The following AGR3 variants were observed in gnomAD, a reference collection of about 807,000 sequenced individuals.
The protein encoded by AGR3 is anterior gradient protein 3.
A neutral mutation model predicts 24.5 loss-of-function variants in AGR3; 37 were observed. That is an observed-to-expected ratio of 1.51 (90% confidence interval 1.16 to 1.99). The LOEUF is 1.99. Among genes scored for constraint, AGR3 ranks in the 30% most tolerant of loss-of-function variants. AGR3 has a pLI of 0.00. For missense variants in AGR3, 228 were observed against 191.1 expected (o/e 1.19, Z -1.14); for synonymous variants, 75 against 61.6 (o/e 1.22, Z -1.02).
chr7:16,857,548 C>T (rs1480846343), downstream of AGR3, among the ~76,000 whole-genome samples: 1 of 152,112 alleles, frequency 6.6e-6, no homozygotes, highest in Admixed American at 6.5e-5. Context: ...TTTCTTTAGT[C>T]TTCATATGTT....
chr7:16,867,995 G>A (rs1026863317), intron 3 of AGR3, among the ~76,000 whole-genome samples: 2 of 152,042 alleles, frequency 1.3e-5, no homozygotes, highest in African/African-American at 4.8e-5. Flanking sequence ...GTGTAAAAGG[G>A]TTCTCTTTTC....
chr7:16,864,677 C>T lies in AGR3; in HGVS notation c.174-2015G>A, dbSNP rs1260516972. ...GGTAGGCAGAAGTCAGGAAAAAGTG[C>T]TTTTGCTGCCAGGCAATTTTCCCCA... On this transcript the variant is annotated intron_variant, in intron 3 of 7. Transcript: ENST00000310398. The T allele has an allele frequency of 4.4e-6, 7 of 1,584,900 alleles. No individual in the cohort carries two copies. The Admixed American group carries it at 1.2e-4, about 26-fold the overall frequency.
At chr7:16,871,874 C>G (rs1256352440) in intron 3 of AGR3, among the ~76,000 whole-genome samples, 1 of 151,930 alleles carries the variant, frequency 6.6e-6, no homozygotes, top group Non-Finnish European at 1.5e-5. Flanking sequence ...ACCACACACA[C>G]ACACCTAGGA....
At chr7:16,874,551 T>A (rs1430270597) in intron 2 of AGR3, among the ~76,000 whole-genome samples, 1 of 152,074 alleles carries the variant, frequency 6.6e-6, no homozygotes, top group African/African-American at 2.4e-5. Flanking sequence ...CCAAAAACAT[T>A]ACTGAGTATT....
chr7:16,865,153 C>T (rs1781730509), intron 3 of AGR3: 1 of 739,122 alleles, frequency 1.4e-6, no homozygotes. Flanking sequence ...CCACCAGTAG[C>T]TTGGACCTCT....
At chr7:16,865,434 G>A in intron 3 of AGR3, 1 of 851,532 alleles carries the variant, frequency 1.2e-6, no homozygotes, top group Middle Eastern at 3.4e-4. Flanking sequence ...CGTAATTGTT[G>A]GTGCCACAGG....
intron 1 of AGR3, among the ~76,000 whole-genome samples, chr7:16,880,072 CCCTTCCTTCTTTCCCCTT>C (rs1412383915): frequency 1.1e-3 from 157 of 141,288 alleles, no homozygotes; most frequent in African/African-American, 4.1e-3. Context: ...TCCTTCCTTC[CCCTTCCTTCTTTCCCCTT>C]CCTTCCTTCC....
intron 3 of AGR3, chr7:16,866,150 A>G: frequency 1.8e-6 from 1 of 540,934 alleles, no homozygotes. Context: ...CTAATGTAGA[A>G]GGCTCATTTT....
At chr7:16,864,497 C>T in intron 3 of AGR3, 1 of 1,258,420 alleles carries the variant, frequency 7.9e-7, no homozygotes, top group Non-Finnish European at 1.2e-6. Flanking sequence ...ATTCCATGTT[C>T]CCTGTCAGTC....
At chr7:16,880,105 TTCTTTCC>T (rs1402857135) in intron 1 of AGR3, among the ~76,000 whole-genome samples, 18 of 135,548 alleles carry the variant, frequency 1.3e-4, no homozygotes, top group African/African-American at 3.3e-4. Flanking sequence ...CCTTCCTTCC[TTCTTTCC>T]TTCCTTCCTT....
chr7:16,881,850 C>A, intron 1 of AGR3, 94 bp downstream of exon 1: 1 of 456,692 alleles, frequency 2.2e-6, no homozygotes. Flanking sequence ...CTACCCTTTA[C>A]TGAAAGCTTC....
At chr7:16,876,793 T>A (rs1379941667) in intron 2 of AGR3, among the ~76,000 whole-genome samples, 1 of 152,218 alleles carries the variant, frequency 6.6e-6, no homozygotes, top group Non-Finnish European at 1.5e-5. Context: ...TGTAATATAT[T>A]TTTTCAAAAC....
chr7:16,865,224 G>T, intron 3 of AGR3: 1 of 788,520 alleles, frequency 1.3e-6, no homozygotes, highest in Non-Finnish European at 2.2e-6. Flanking sequence ...CGTAGCATTT[G>T]ATTTTAAAGA....
At chr7:16,858,483 C>T (rs980385420), downstream of AGR3, among the ~76,000 whole-genome samples, 1 of 152,124 alleles carries the variant, frequency 6.6e-6, no homozygotes, top group African/African-American at 2.4e-5. Context: ...ATAATCCTTT[C>T]CTACCAGTTA....
At chr7:16,855,009 GAC>G (rs1345117670), downstream of AGR3, among the ~76,000 whole-genome samples, 3 of 152,132 alleles carry the variant, frequency 2.0e-5, no homozygotes, top group African/African-American at 7.2e-5. Context: ...AAATTTAATT[GAC>G]ACATAATAAT....
chr7:16,859,471 T>C lies in AGR3; in HGVS notation c.*111A>G. 1.4e-6 allele frequency: 1 copy of C among 701,086 alleles called. No homozygotes were observed. Among genetic ancestry groups the C allele is most frequent in the Non-Finnish European group, 2.4e-6 (1 of 424,050 alleles). The allele number at this position is 701,086 out of a possible 1,614,324, so 43.4% of individuals were successfully genotyped here. On this transcript the variant is annotated 3_prime_UTR_variant, in exon 8 of 8. Coordinates refer to ENST00000310398, the MANE Select transcript of AGR3 (RefSeq NM_176813.5). ...TTGCAAACACATTAAAAAAACTAAATAGTAATATTACAAAATCTATATACT... is the reference window on the plus strand; with the variant it reads ...TTGCAAACACATTAAAAAAACTAAACAGTAATATTACAAAATCTATATACT...
downstream of AGR3, among the ~76,000 whole-genome samples, chr7:16,857,762 A>G (rs1031414640): frequency 7.9e-5 from 12 of 152,182 alleles, no homozygotes; most frequent in African/African-American, 2.7e-4. Flanking sequence ...AAATAGATCA[A>G]TTTACTACAA....
intron 3 of AGR3, among the ~76,000 whole-genome samples, chr7:16,870,191 G>GT: frequency 6.6e-6 from 1 of 151,898 alleles, no homozygotes; most frequent in South Asian, 2.1e-4. Context: ...TGTAAATGAG[G>GT]TATTTAACAA....
intron 3 of AGR3, chr7:16,865,962 A>G (rs1781751293): frequency 1.5e-6 from 1 of 685,146 alleles, no homozygotes; most frequent in Middle Eastern, 2.6e-4. Flanking sequence ...GCTTTTTACC[A>G]GGTTTCAACT....
Sources: gnomAD v4.1 joint callset for allele counts (sites outside exome capture counted in the v4.1 genomes callset) on GRCh38, gnomAD v4.1.1 for gene constraint, MANE v1.5 for transcripts, NCBI Gene and HGNC (gene_info 2026-07-23, HGNC 2026-07-21) for gene names.